The following SDK1 variants were observed in gnomAD, a reference collection of about 807,000 sequenced individuals.
SDK1 encodes sidekick cell adhesion molecule 1.
SDK1 carries 157 observed loss-of-function variants against 245.5 expected under a neutral mutation model. The observed-to-expected ratio is 0.64, with a 90% confidence interval of 0.56 to 0.73. The LOEUF (loss-of-function observed/expected upper bound fraction) is 0.73. Ranked by LOEUF, SDK1 falls within the 30% of genes least tolerant of loss-of-function variation. SDK1 has a pLI of 0.00. For missense variants in SDK1, 3,583 were observed against 3,002.3 expected (o/e 1.19, Z -4.52); for synonymous variants, 1,647 against 1,278.5 (o/e 1.29, Z -6.15).
intron 2 of SDK1, among the ~76,000 whole-genome samples, chr7:3,626,809 A>G (rs746974637): frequency 1.1e-4 from 17 of 152,170 alleles, no homozygotes; most frequent in Non-Finnish European, 1.9e-4. Flanking sequence ...TTTTTCTTCT[A>G]TAGGAAATCT....
At chr7:3,942,961 T>C (rs1291248580) in intron 5 of SDK1, among the ~76,000 whole-genome samples, 1 of 152,142 alleles carries the variant, frequency 6.6e-6, no homozygotes, top group Non-Finnish European at 1.5e-5. Flanking sequence ...GACCTCATTG[T>C]TTTCTGGTGT....
chr7:4,130,044 T>C lies in SDK1; in HGVS notation c.4076T>C (p.Ile1359Thr), dbSNP rs749482969. 1.2e-6 allele frequency: 2 copies of C among 1,613,026 alleles called. No homozygotes were observed. Among genetic ancestry groups the C allele is most frequent in the Non-Finnish European group, 1.7e-6 (2 of 1,179,584 alleles). ...CTCCAGGTGCTGGCGTTCACCCGCA[T>C]CGGGAACGGGGTCCCCAGCACGCCC... ...YELQVLAFTR[I>T]GNGVPSTPLI... Residue 1359 changes from isoleucine to threonine, a missense_variant, in exon 27 of 45, where the codon ATC becomes ACC. Ile to Thr is a moderately conservative substitution (Grantham distance 89). Coordinates refer to ENST00000404826, the MANE Select transcript of SDK1 (RefSeq NM_152744.4).
At position 4,267,510 on chromosome 7, in the gene SDK1, C is replaced by T. The variant is rs1264619416; in HGVS notation, c.*2126C>T. On this transcript the variant is annotated 3_prime_UTR_variant, in exon 45 of 45. Coordinates refer to ENST00000404826, the MANE Select transcript of SDK1 (RefSeq NM_152744.4). ...TCCTTCCCCTCGGCCCCGGAGAGGGCGAAGTGGGCGGGAAGCCAGGATGTG... is the reference window on the plus strand; with the variant it reads ...TCCTTCCCCTCGGCCCCGGAGAGGGTGAAGTGGGCGGGAAGCCAGGATGTG... 16 of 985,438 alleles carry T rather than the reference C, an allele frequency of 1.6e-5. No homozygotes were observed. Among genetic ancestry groups the T allele is most frequent in the Admixed American group, 6.1e-5 (1 of 16,288 alleles). 61.0% of individuals were successfully genotyped at this position (985,438 alleles called of 1,614,324 possible).
chr7:4,133,985 T>C (rs1785036137), intron 28 of SDK1, among the ~76,000 whole-genome samples: 1 of 152,140 alleles, frequency 6.6e-6, no homozygotes, highest in African/African-American at 2.4e-5. Flanking sequence ...AAAAAAAAGT[T>C]TGGAGGCCTG....
intron 1 of SDK1, among the ~76,000 whole-genome samples, chr7:3,608,958 C>T (rs1449513727): frequency 1.3e-5 from 2 of 152,140 alleles, no homozygotes; most frequent in African/African-American, 4.8e-5. Flanking sequence ...CAACATATTA[C>T]AAGAGACTAA....
chr7:4,078,566 A>T (rs916997676), intron 21 of SDK1, among the ~76,000 whole-genome samples: 3 of 152,210 alleles, frequency 2.0e-5, no homozygotes, highest in Non-Finnish European at 2.9e-5. Context: ...TGAGGAAAGC[A>T]TTCCTCAGAG....
At chr7:3,620,299 CA>C (rs1360711004) in intron 2 of SDK1, among the ~76,000 whole-genome samples, 3 of 87,288 alleles carry the variant, frequency 3.4e-5, no homozygotes, top group South Asian at 5.6e-4. Context: ...ATGCTTACAG[CA>C]TTTTTTTTTT....
At chr7:3,420,415 C>G (rs911350386) in intron 1 of SDK1, among the ~76,000 whole-genome samples, 16 of 152,160 alleles carry the variant, frequency 1.1e-4, no homozygotes, top group African/African-American at 3.6e-4. Flanking sequence ...ACCAATTTTT[C>G]TTTCAGAGCA....
At chr7:3,948,117 A>C (rs1304127805) in intron 5 of SDK1, among the ~76,000 whole-genome samples, 1 of 152,182 alleles carries the variant, frequency 6.6e-6, no homozygotes, top group African/African-American at 2.4e-5. Context: ...TATTCTACTG[A>C]AATGTTTTTG....
chr7:3,403,810 T>C (rs1778954012), intron 1 of SDK1, among the ~76,000 whole-genome samples: 1 of 121,828 alleles, frequency 8.2e-6, no homozygotes, highest in Admixed American at 9.3e-5. Context: ...ATTACAGGGA[T>C]TTGAAATATC....
At chr7:4,076,288 C>T (rs1780673684) in intron 20 of SDK1, among the ~76,000 whole-genome samples, 1 of 152,162 alleles carries the variant, frequency 6.6e-6, no homozygotes, top group Non-Finnish European at 1.5e-5. Context: ...TGGCCGGGTA[C>T]AGTGGCTGTA....
At chr7:3,326,972 G>A (rs902818671) in intron 1 of SDK1, among the ~76,000 whole-genome samples, 1 of 152,082 alleles carries the variant, frequency 6.6e-6, no homozygotes, top group Non-Finnish European at 1.5e-5. Context: ...TCTTCCTGTG[G>A]GTTTACACCA....
At chr7:4,088,976 G>T (rs1363489531) in intron 22 of SDK1, among the ~76,000 whole-genome samples, 1 of 151,342 alleles carries the variant, frequency 6.6e-6, no homozygotes, top group Non-Finnish European at 1.5e-5. Flanking sequence ...TCAGAGGGAG[G>T]TGAGACCCTC....
chr7:3,876,974 A>G (rs559229906), intron 5 of SDK1, among the ~76,000 whole-genome samples: 30 of 152,360 alleles, frequency 2.0e-4, no homozygotes, highest in Admixed American at 4.6e-4. Context: ...TTTTATGCTA[A>G]GATAAATACC....
intron 5 of SDK1, among the ~76,000 whole-genome samples, chr7:3,880,063 T>G (rs1781169840): frequency 6.6e-6 from 1 of 152,174 alleles, no homozygotes; most frequent in Non-Finnish European, 1.5e-5. Flanking sequence ...TAATGCCGCC[T>G]TAATCCTGGA....
intron 1 of SDK1, among the ~76,000 whole-genome samples, chr7:3,543,335 A>G (rs1779109649): frequency 6.6e-6 from 1 of 152,266 alleles, no homozygotes; most frequent in Non-Finnish European, 1.5e-5. Context: ...CATGGACGCG[A>G]TCACTATCTG....
At chr7:3,332,260 T>C (rs911182153) in intron 1 of SDK1, among the ~76,000 whole-genome samples, 1 of 152,236 alleles carries the variant, frequency 6.6e-6, no homozygotes, top group Non-Finnish European at 1.5e-5. Context: ...CGATGATTAA[T>C]GTACAGGGCG....
chr7:3,893,810 C>T (rs944393532), intron 5 of SDK1, among the ~76,000 whole-genome samples: 6 of 151,964 alleles, frequency 3.9e-5, no homozygotes, highest in Admixed American at 3.9e-4. Flanking sequence ...TGATCCCAGT[C>T]ACCTGCCCCC....
chr7:3,944,549 A>C (rs1212857681), intron 5 of SDK1, among the ~76,000 whole-genome samples: 1 of 152,238 alleles, frequency 6.6e-6, no homozygotes, highest in Admixed American at 6.5e-5. Flanking sequence ...TATATCTCAG[A>C]TATGCAAATA....
Sources: gnomAD v4.1 joint callset for allele counts (sites outside exome capture counted in the v4.1 genomes callset) on GRCh38, gnomAD v4.1.1 for gene constraint, MANE v1.5 for transcripts, NCBI Gene and HGNC (gene_info 2026-07-23, HGNC 2026-07-21) for gene names.